Variants in FEZ1 observed in about 807,000 individuals in gnomAD.
FEZ1 encodes the protein fasciculation and elongation protein zeta-1.
Under a neutral mutation model 49.3 loss-of-function variants are expected in FEZ1, and 20 were observed. That is an observed-to-expected ratio of 0.41 (90% CI 0.29 to 0.59). FEZ1 has a LOEUF of 0.59. Ranked by LOEUF, FEZ1 falls within the 20% of genes least tolerant of loss-of-function variation. The pLI, the probability that FEZ1 is intolerant of heterozygous loss-of-function variation, is 0.36. For synonymous variants in FEZ1, 170 were observed against 180.9 expected (o/e 0.94, Z 0.48); for missense variants, 413 against 476.0 (o/e 0.87, Z 1.23).
At chr11:125,449,417 T>TAAAAAAAAA in intron 8 of FEZ1, among the ~76,000 whole-genome samples, 35 of 26,950 alleles carry the variant, frequency 1.3e-3, no homozygotes, top group South Asian at 3.4e-3. Flanking sequence ...TTTGTCTCTA[T>TAAAAAAAAA]AAAAAAAAAA....
intron 3 of FEZ1, among the ~76,000 whole-genome samples, chr11:125,469,638 A>C (rs1301062315): frequency 6.6e-6 from 1 of 151,676 alleles, no homozygotes; most frequent in East Asian, 1.9e-4. Flanking sequence ...ATCATAGCTC[A>C]CTGTAGCCTC....
chr11:125,454,064 C>T (rs1353074899), intron 7 of FEZ1, 66 bp downstream of exon 7: 3 of 1,072,884 alleles, frequency 2.8e-6, no homozygotes, highest in Admixed American at 2.1e-5. Context: ...TGTCCCCCTG[C>T]GTTGCTGGGG....
At chr11:125,482,264 A>G (rs12270140) in intron 2 of FEZ1, among the ~76,000 whole-genome samples, 1,766 of 152,322 alleles carry the variant, frequency 0.012, 31 homozygotes, top group African/African-American at 0.031. Flanking sequence ...TATCGAACCC[A>G]CGGGTTGCAA....
At position 125,495,589 on chromosome 11, in the gene FEZ1, T is replaced by C. The variant is rs111574826; in HGVS notation, c.-46+532A>G. On this transcript the variant is annotated intron_variant, in intron 1 of 9. Transcript: ENST00000278919. This position sits in a 1 kb window ranked among gnomAD's most constrained non-coding sequence, Gnocchi z 4.2. Reference sequence around the variant, plus strand: ...GCGGTCTGGGGAAGGCTCCGCACTCTGGGGAGGGGCACGAGCGGGGTCGGG... The same window carrying C: ...GCGGTCTGGGGAAGGCTCCGCACTCCGGGGAGGGGCACGAGCGGGGTCGGG... 1,025 of 469,468 alleles carry C rather than the reference T, an allele frequency of 2.2e-3. 9 individuals carry two copies. Among genetic ancestry groups the C allele is most frequent in the African/African-American group, 0.018 (908 of 50,104 alleles). The allele number at this position is 469,468 out of a possible 1,614,324, so 29.1% of individuals were successfully genotyped here.
chr11:125,493,418 GAAAGAAGGAAAGAAGGAA>G (rs1957411432), intron 1 of FEZ1, among the ~76,000 whole-genome samples: 1 of 38,438 alleles, frequency 2.6e-5, no homozygotes, highest in African/African-American at 1.4e-4. Flanking sequence ...AAGAAAGAAA[GAAAGAAGGAAAGAAGGAA>G]AGAAGGAAAG....
intron 5 of FEZ1, among the ~76,000 whole-genome samples, chr11:125,456,752 A>T (rs1957014551): frequency 6.6e-6 from 1 of 152,204 alleles, no homozygotes; most frequent in Admixed American, 6.5e-5. Context: ...GGAAATATAT[A>T]ACTTTAAGAA....
At chr11:125,460,455 C>A in intron 5 of FEZ1, 43 bp downstream of exon 5, 1 of 1,574,654 alleles carries the variant, frequency 6.4e-7, no homozygotes, top group Non-Finnish European at 8.7e-7. Context: ...TGGCCCCGAG[C>A]AGGTGCTTCC....
Position 125,481,314 on chromosome 11 carries a change from A to AT in FEZ1, c.411+219dup, listed in dbSNP as rs1957277221. On this transcript the variant is annotated intron_variant, in intron 3 of 9. Coordinates refer to ENST00000278919, the MANE Select transcript of FEZ1 (RefSeq NM_005103.5). Reference sequence around the variant, plus strand: ...AAGCATGCGCCACCATGCCTGGCTAATTTTTTGTATTTTTGGTAGAAATGG... The same window carrying AT: ...AAGCATGCGCCACCATGCCTGGCTAATTTTTTTGTATTTTTGGTAGAAATGG... 2.0e-5 allele frequency among the ~76,000 whole-genome samples: 3 copies of AT among 151,964 alleles called. No individual in the cohort carries two copies. In the South Asian group the frequency reaches 6.3e-4, roughly 32 times the overall value.
At position 125,445,457 on chromosome 11, in the gene FEZ1, C is replaced by G. The variant is rs1021144894; in HGVS notation, c.*638G>C. Among the ~76,000 whole-genome samples, 1 of 152,216 alleles carries G rather than the reference C, an allele frequency of 6.6e-6. No homozygotes were observed. The highest frequency in any genetic ancestry group is 2.4e-5 in the African/African-American group (1 of 41,452). On this transcript the variant is annotated 3_prime_UTR_variant, in exon 10 of 10. Coordinates refer to ENST00000278919, the MANE Select transcript of FEZ1 (RefSeq NM_005103.5). This position sits in a 1 kb window ranked among gnomAD's most constrained non-coding sequence, Gnocchi z 4.4. Reference sequence around the variant, plus strand: ...TATCTGCTAATTGCACACTCTCACCCCCGTCTCACCCACTCTGACCAGCTC... The same window carrying G: ...TATCTGCTAATTGCACACTCTCACCGCCGTCTCACCCACTCTGACCAGCTC...
intron 3 of FEZ1, among the ~76,000 whole-genome samples, chr11:125,476,448 G>A (rs1031215143): frequency 3.3e-5 from 5 of 151,986 alleles, no homozygotes; most frequent in Non-Finnish European, 4.4e-5. Context: ...CTCCACAGAG[G>A]CAGTAAATAG....
At chr11:125,469,565 T>A (rs576286660) in intron 3 of FEZ1, among the ~76,000 whole-genome samples, 33 of 152,018 alleles carry the variant, frequency 2.2e-4, no homozygotes, top group Admixed American at 5.9e-4. Context: ...CCATTTTTTT[T>A]AAAATTAATG....
rs372224508 is a variant in FEZ1 at position 125,493,261 on chromosome 11, G to A, written c.-46+2860C>T. On this transcript the variant is annotated intron_variant, in intron 1 of 9. Transcript: ENST00000278919. ...AGGCAGGAGAATCGCTTGAGCCCAAGAGGCAGAGGTTGCAGTGAGCCGAGA... is the reference window on the plus strand; with the variant it reads ...AGGCAGGAGAATCGCTTGAGCCCAAAAGGCAGAGGTTGCAGTGAGCCGAGA... Among the ~76,000 whole-genome samples, 56 of 151,382 alleles carry A rather than the reference G, an allele frequency of 3.7e-4. No individual in the cohort carries two copies. In the South Asian group the frequency reaches 0.011, roughly 30 times the overall value.
chr11:125,456,919 C>T (rs1220999454), intron 5 of FEZ1, among the ~76,000 whole-genome samples: 1 of 152,154 alleles, frequency 6.6e-6, no homozygotes, highest in Non-Finnish European at 1.5e-5. Context: ...AGCAGTGGCT[C>T]ATGCCTGTAA....
chr11:125,477,693 G>A (rs1232406246), intron 3 of FEZ1, among the ~76,000 whole-genome samples: 1 of 152,110 alleles, frequency 6.6e-6, no homozygotes, highest in Non-Finnish European at 1.5e-5. Context: ...AGTGTTTACA[G>A]CTTGCAGAAA....
Position 125,489,952 on chromosome 11 carries a change from T to G in FEZ1, c.-45-130A>C. ...AGGCACTGGTTAAGTACGAAGCTCCTGGACAAGATCGTCTAGGTTTGCATT... is the reference window on the plus strand; with the variant it reads ...AGGCACTGGTTAAGTACGAAGCTCCGGGACAAGATCGTCTAGGTTTGCATT... On this transcript the variant is annotated intron_variant, in intron 1 of 9. Transcript: ENST00000278919. The surrounding 1 kb of genome is among the most constrained non-coding windows in gnomAD (Gnocchi z 4.2). The G allele has an allele frequency of 7.8e-6, 6 of 768,230 alleles. No individual in the cohort carries two copies. The highest frequency in any genetic ancestry group is 1.1e-5 in the Non-Finnish European group (6 of 526,174). The allele number at this position is 768,230 out of a possible 1,614,324, so 47.6% of individuals were successfully genotyped here.
At chr11:125,461,335 G>A (rs1022529277) in intron 4 of FEZ1, among the ~76,000 whole-genome samples, 1 of 152,158 alleles carries the variant, frequency 6.6e-6, no homozygotes, top group Non-Finnish European at 1.5e-5. Flanking sequence ...AGCTGGGCAT[G>A]GTGTCTCATG....
rs150430622 is a variant in FEZ1, at chr11:125,481,177, AT to A, written c.411+356del. Among the ~76,000 whole-genome samples the A allele has an allele frequency of 3.3e-5, 5 of 151,688 alleles. No individual in the cohort carries two copies. The South Asian group carries it at 1.0e-3, about 32-fold the overall frequency. On this transcript the variant is annotated intron_variant, in intron 3 of 9. Transcript: ENST00000278919. ...TTCAGATATACTGGATGTCTTCCTTATTTTTCACCCTCCTCTACAACTCCTC... is the reference window on the plus strand; with the variant it reads ...TTCAGATATACTGGATGTCTTCCTTATTTTCACCCTCCTCTACAACTCCTC...
intron 8 of FEZ1, among the ~76,000 whole-genome samples, chr11:125,451,708 A>G (rs903807420): frequency 6.6e-6 from 1 of 152,200 alleles, no homozygotes; most frequent in Non-Finnish European, 1.5e-5. Flanking sequence ...TGGGGGTCGT[A>G]CTGTTTGATG....
rs911445364 is a variant in FEZ1, at chr11:125,463,441, C to G, written c.498+43G>C. 1.3e-5 allele frequency: 15 copies of G among 1,199,818 alleles called. No homozygotes were observed. In the African/African-American group the frequency reaches 2.0e-4, roughly 16 times the overall value. The allele number at this position is 1,199,818 out of a possible 1,614,324, so 74.3% of individuals were successfully genotyped here. On this transcript the variant is annotated intron_variant, in intron 4 of 9. Transcript: ENST00000278919. ...GTGTTCTCTTGGACTTTTTCTCCAT[C>G]AAAAGAACAAAAGGTCCCGATAACC...
Sources: allele counts gnomAD v4.1 joint callset (sites outside exome capture counted in the v4.1 genomes callset), GRCh38; gene constraint gnomAD v4.1.1; non-coding constraint Gnocchi (gnomAD v3.1); transcripts MANE v1.5; gene names NCBI Gene and HGNC (gene_info 2026-07-23, HGNC 2026-07-21).